Variants in KCNB2 observed in about 807,000 individuals in gnomAD.
KCNB2 encodes delayed rectifier potassium channel protein.
A neutral mutation model predicts 61.5 loss-of-function variants in KCNB2; 15 were observed. The observed-to-expected ratio is 0.24, with a 90% CI of 0.16 to 0.38. The LOEUF (loss-of-function observed/expected upper bound fraction) is 0.38, where lower values mean the gene tolerates loss of function less well. Among genes scored for constraint, KCNB2 ranks in the 10% least tolerant of loss-of-function variants. The pLI, the probability that KCNB2 is intolerant of heterozygous loss-of-function variation, is 1.00. For synonymous variants in KCNB2, 457 were observed against 446.0 expected (o/e 1.02, Z -0.31); for missense variants, 828 against 1,125.2 (o/e 0.74, Z 3.78).
At chr8:72,550,862 G>A (rs1806335191) in intron 1 of KCNB2, among the ~76,000 whole-genome samples, 1 of 152,342 alleles carries the variant, frequency 6.6e-6, no homozygotes, top group South Asian at 2.1e-4. Context: ...ATGGTAGGCA[G>A]TGTCTGGGAG....
chr8:72,716,427 A>G (rs1376991205), intron 2 of KCNB2, among the ~76,000 whole-genome samples: 1 of 152,244 alleles, frequency 6.6e-6, no homozygotes, highest in East Asian at 1.9e-4. Flanking sequence ...AATATTGGCA[A>G]GCCGAATCCA....
intron 2 of KCNB2, among the ~76,000 whole-genome samples, chr8:72,924,452 T>G (rs1806595199): frequency 6.6e-6 from 1 of 152,194 alleles, no homozygotes; most frequent in South Asian, 2.1e-4. Flanking sequence ...CTTGCTAAAA[T>G]GCAGATTCTG....
intron 2 of KCNB2, among the ~76,000 whole-genome samples, chr8:72,777,577 T>G (rs1007071457): frequency 3.3e-5 from 5 of 152,224 alleles, no homozygotes; most frequent in Admixed American, 6.5e-5. Context: ...AGTTAATTGT[T>G]GCCACCATGT....
chr8:72,705,406 CA>C (rs1336330184), intron 2 of KCNB2, among the ~76,000 whole-genome samples: 1 of 152,208 alleles, frequency 6.6e-6, no homozygotes, highest in Non-Finnish European at 1.5e-5. Context: ...ATACATGGTC[CA>C]ATCCAGTTTA....
At chr8:72,865,345 A>T (rs1446285972) in intron 2 of KCNB2, among the ~76,000 whole-genome samples, 2 of 152,052 alleles carry the variant, frequency 1.3e-5, no homozygotes, top group Admixed American at 6.6e-5. Flanking sequence ...GCCCCAAAGC[A>T]TCTAGTGCCC....
At chr8:72,561,711 A>ATATATATATATATATATATATATGTG (rs1806519194) in intron 1 of KCNB2, among the ~76,000 whole-genome samples, 1 of 23,994 alleles carries the variant, frequency 4.2e-5, no homozygotes. Context: ...ATATATATAT[A>ATATATATATATATATATATATATGTG]TATATATATA....
chr8:72,893,671 A>T (rs1297649293), intron 2 of KCNB2, among the ~76,000 whole-genome samples: 1 of 152,216 alleles, frequency 6.6e-6, no homozygotes, highest in Admixed American at 6.5e-5. Flanking sequence ...ACAAGAAAAA[A>T]TGTTGAGGCT....
intron 2 of KCNB2, among the ~76,000 whole-genome samples, chr8:72,578,177 T>C (rs1806827706): frequency 6.6e-6 from 1 of 152,214 alleles, no homozygotes. Flanking sequence ...ATTTCATTAA[T>C]ACAATGGAAA....
At chr8:72,921,599 A>G (rs2129008262) in intron 2 of KCNB2, among the ~76,000 whole-genome samples, 2 of 152,312 alleles carry the variant, frequency 1.3e-5, no homozygotes, top group South Asian at 2.1e-4. Context: ...ATTTCCTAAC[A>G]TCAAAGAAAT....
At chr8:72,795,121 A>C (rs765583734) in intron 2 of KCNB2, among the ~76,000 whole-genome samples, 2 of 152,350 alleles carry the variant, frequency 1.3e-5, no homozygotes, top group Non-Finnish European at 2.9e-5. Flanking sequence ...GATCATTAAG[A>C]GGTAGTAAGA....
chr8:72,577,791 A>G (rs1009387281), intron 2 of KCNB2, among the ~76,000 whole-genome samples: 1 of 152,160 alleles, frequency 6.6e-6, no homozygotes, highest in Non-Finnish European at 1.5e-5. Flanking sequence ...TGGTTGCAGC[A>G]TCCGTCACTG....
At chr8:72,709,172 A>G (rs1338614999) in intron 2 of KCNB2, among the ~76,000 whole-genome samples, 1 of 152,200 alleles carries the variant, frequency 6.6e-6, no homozygotes. Context: ...ATGTATCTAG[A>G]AGAACAGAAA....
chr8:72,717,920 A>G (rs1807474159), intron 2 of KCNB2, among the ~76,000 whole-genome samples: 5 of 152,228 alleles, frequency 3.3e-5, no homozygotes, highest in Non-Finnish European at 7.3e-5. Context: ...CTCATCTGAC[A>G]AAGGGCTAAT....
At chr8:72,585,760 T>C (rs549021845) in intron 2 of KCNB2, among the ~76,000 whole-genome samples, 1 of 152,358 alleles carries the variant, frequency 6.6e-6, no homozygotes, top group South Asian at 2.1e-4. Flanking sequence ...AAAATATGAT[T>C]GTTTTGTAAC....
At chr8:72,805,607 A>G (rs1027466643) in intron 2 of KCNB2, among the ~76,000 whole-genome samples, 5 of 152,224 alleles carry the variant, frequency 3.3e-5, no homozygotes, top group African/African-American at 9.6e-5. Flanking sequence ...TGACCCAAAG[A>G]TGTTTAAAAT....
chr8:72,638,210 T>C (rs1223762884), intron 2 of KCNB2, among the ~76,000 whole-genome samples: 1 of 152,150 alleles, frequency 6.6e-6, no homozygotes, highest in African/African-American at 2.4e-5. Context: ...CTATGACCTT[T>C]GAAATGGGTC....
rs529806024 is a variant in KCNB2 at position 72,631,437 on chromosome 8, T to C, written c.579+63124T>C. On this transcript the variant is annotated intron_variant, in intron 2 of 2. Transcript: ENST00000523207. Reference sequence around the variant, plus strand: ...GGCTTTTGTGGCATCACTCCAACTCTGTCTTCATCTTCACATGGTGTTCTT... The same window carrying C: ...GGCTTTTGTGGCATCACTCCAACTCCGTCTTCATCTTCACATGGTGTTCTT... Among the ~76,000 whole-genome samples, 23 of 152,356 alleles carry C rather than the reference T, an allele frequency of 1.5e-4. No individual in the cohort carries two copies. In the South Asian group the frequency reaches 4.8e-3, roughly 32 times the overall value.
At chr8:72,727,501 A>C (rs1267753986) in intron 2 of KCNB2, among the ~76,000 whole-genome samples, 2 of 152,200 alleles carry the variant, frequency 1.3e-5, no homozygotes, top group Non-Finnish European at 2.9e-5. Flanking sequence ...TTACATTCAA[A>C]AGCCAAGTAG....
At chr8:72,812,078 A>C (rs568760393) in intron 2 of KCNB2, among the ~76,000 whole-genome samples, 1 of 152,156 alleles carries the variant, frequency 6.6e-6, no homozygotes, top group South Asian at 2.1e-4. Context: ...CCTGCCCAAC[A>C]TGGTGAAATC....
Sources: gnomAD v4.1 joint callset for allele counts (sites outside exome capture counted in the v4.1 genomes callset) on GRCh38, gnomAD v4.1.1 for gene constraint, MANE v1.5 for transcripts, NCBI Gene and HGNC (gene_info 2026-07-23, HGNC 2026-07-21) for gene names.